The following ARID1B variants were observed in gnomAD, a reference collection of about 807,000 sequenced individuals.
The protein encoded by ARID1B is AT-rich interactive domain-containing protein 1B.
A neutral mutation model predicts 212.3 loss-of-function variants in ARID1B; 30 were observed. That is an observed-to-expected ratio of 0.14 (90% CI 0.11 to 0.19). The LOEUF (loss-of-function observed/expected upper bound fraction) is 0.19. Ranked by LOEUF, ARID1B falls within the 10% of genes least tolerant of loss-of-function variation. ARID1B has a pLI of 1.00. For synonymous variants in ARID1B, 1,402 were observed against 1,301.7 expected (o/e 1.08, Z -1.66); for missense variants, 2,891 against 3,204.0 (o/e 0.90, Z 2.36).
chr6:156,976,938 GA>G, intron 4 of ARID1B: 1 of 551,412 alleles, frequency 1.8e-6, no homozygotes, highest in Admixed American at 1.9e-5. Flanking sequence ...CAAAGATCTA[GA>G]AAAATGGCAG....
At chr6:157,196,973 G>A (rs1180279466) in intron 16 of ARID1B, among the ~76,000 whole-genome samples, 4 of 152,218 alleles carry the variant, frequency 2.6e-5, no homozygotes, top group African/African-American at 9.7e-5. Flanking sequence ...ATGATGCAGA[G>A]TGATTTGTAA....
At chr6:157,181,752 T>C (rs1792554036) in intron 12 of ARID1B, among the ~76,000 whole-genome samples, 1 of 152,152 alleles carries the variant, frequency 6.6e-6, no homozygotes, top group Admixed American at 6.5e-5. Flanking sequence ...TGCTTGACTC[T>C]CAGAGTGAGT....
At chr6:156,894,957 C>G (rs985579193) in intron 2 of ARID1B, among the ~76,000 whole-genome samples, 1 of 152,148 alleles carries the variant, frequency 6.6e-6, no homozygotes, top group Non-Finnish European at 1.5e-5. Context: ...TAGTACTGGA[C>G]AGGCATGTGG....
chr6:156,843,307 T>G (rs2128090743), intron 2 of ARID1B, among the ~76,000 whole-genome samples: 1 of 152,330 alleles, frequency 6.6e-6, no homozygotes, highest in East Asian at 1.9e-4. Context: ...AATACAATTT[T>G]TAAATTAAAA....
intron 9 of ARID1B, chr6:157,167,831 TC>T (rs1791440517): frequency 6.6e-6 from 1 of 152,292 alleles, no homozygotes; most frequent in Non-Finnish European, 1.5e-5. Flanking sequence ...TGTGCATATC[TC>T]CCATGATCTT....
In ARID1B at chr6:156,955,466, C is replaced by T. The variant is rs987615022; in HGVS notation, c.2247+19890C>T. Among the ~76,000 whole-genome samples, 1 of 152,158 alleles carries T rather than the reference C, an allele frequency of 6.6e-6. No homozygotes were observed. The highest frequency in any genetic ancestry group is 1.5e-5 in the Non-Finnish European group (1 of 68,040). ...CTTTCTGTATATGTTATAGTGCTGTCTTCCAGAATGACTTATTGTGGATTA... is the reference window on the plus strand; with the variant it reads ...CTTTCTGTATATGTTATAGTGCTGTTTTCCAGAATGACTTATTGTGGATTA... On this transcript the variant is annotated intron_variant, in intron 4 of 19. Coordinates refer to ENST00000636930, the MANE Select transcript of ARID1B (RefSeq NM_001374828.1). This position sits in a 1 kb window ranked among gnomAD's most constrained non-coding sequence, Gnocchi z 4.2.
At chr6:157,198,783 T>G in intron 16 of ARID1B, 28 bp from the exon 17 acceptor site, 1 of 1,568,238 alleles carries the variant, frequency 6.4e-7, no homozygotes, top group South Asian at 1.1e-5. Flanking sequence ...TTTTCTCAGT[T>G]AAGTTTTCTT....
chr6:157,131,084 A>T (rs535467868), intron 6 of ARID1B, among the ~76,000 whole-genome samples: 34 of 152,178 alleles, frequency 2.2e-4, no homozygotes, highest in Admixed American at 2.0e-3. Flanking sequence ...ATGCATAAAG[A>T]TGTGTTTTCT....
At chr6:156,934,586 T>C (rs1363763633) in intron 3 of ARID1B, among the ~76,000 whole-genome samples, 1 of 152,186 alleles carries the variant, frequency 6.6e-6, no homozygotes, top group Admixed American at 6.5e-5. Context: ...GCGTGTTTAT[T>C]GGTTTTATAG....
Position 157,206,506 on chromosome 6 carries a change from A to G in ARID1B, c.5734A>G (p.Ile1912Val), listed in dbSNP as rs1794464561. The G allele has an allele frequency of 6.2e-7, 1 of 1,614,192 alleles. No homozygotes were observed. Among genetic ancestry groups the G allele is most frequent in the Non-Finnish European group, 8.5e-7 (1 of 1,180,050 alleles). The part of the protein sequence containing the change: ...KQASKFDKLP[I>V]KIVKKNNLFV... ...AGCCAGTAAGTTCGACAAGCTGCCA[A>G]TAAAGATAGTCAAAAAGAACAACCT... The change falls in exon 20 of 20, where the codon ATA (isoleucine) becomes GTA (valine). Residue 1912 changes from isoleucine to valine, a missense_variant. Ile to Val is a conservative substitution (Grantham distance 29). This residue lies in a region of ARID1B where 332 missense variants were observed against 369.2 expected (regional missense o/e 0.90). Transcript: ENST00000636930. The surrounding 1 kb of genome is among the most constrained non-coding windows in gnomAD (Gnocchi z 6.8).
chr6:156,913,217 CTTTTTT>C (rs372967890), intron 3 of ARID1B, among the ~76,000 whole-genome samples: 2 of 129,036 alleles, frequency 1.5e-5, no homozygotes, highest in African/African-American at 5.9e-5. Context: ...TTTTCTTTTT[CTTTTTT>C]TTTTTTTTTT....
chr6:156,972,679 C>G (rs1777007205), intron 4 of ARID1B, among the ~76,000 whole-genome samples: 1 of 152,066 alleles, frequency 6.6e-6, no homozygotes, highest in South Asian at 2.1e-4. Flanking sequence ...CCTCATTCTC[C>G]CCTTGGTAAT....
At position 156,908,597 on chromosome 6, in the gene ARID1B, A is replaced by C. The variant is rs574389598; in HGVS notation, c.2136+7072A>C. On this transcript the variant is annotated intron_variant, in intron 3 of 19. Transcript: ENST00000636930. ...CCCGCCCCCACTCAAGTGAATGCTTACTTTATTTGAACATTTTTTGTTTGA... is the reference window on the plus strand; with the variant it reads ...CCCGCCCCCACTCAAGTGAATGCTTCCTTTATTTGAACATTTTTTGTTTGA... Among the ~76,000 whole-genome samples the C allele has an allele frequency of 4.2e-4, 64 of 150,828 alleles. No homozygotes were observed. The South Asian group carries it at 8.9e-3, about 21-fold the overall frequency.
At chr6:156,836,418 G>A (rs1334691266) in intron 2 of ARID1B, among the ~76,000 whole-genome samples, 1 of 152,112 alleles carries the variant, frequency 6.6e-6, no homozygotes, top group East Asian at 1.9e-4. Flanking sequence ...TGGTAGTGAT[G>A]CTGGTTCTTG....
chr6:156,813,904 C>T (rs894596464), intron 1 of ARID1B, among the ~76,000 whole-genome samples: 6 of 152,102 alleles, frequency 3.9e-5, no homozygotes, highest in African/African-American at 1.4e-4. Context: ...AGGGGCCTGC[C>T]CTCCAGACCC....
intron 4 of ARID1B, among the ~76,000 whole-genome samples, chr6:157,011,630 A>G (rs1021671301): frequency 6.6e-6 from 1 of 152,222 alleles, no homozygotes; most frequent in Admixed American, 6.5e-5. Flanking sequence ...AATAGACATA[A>G]TGGTCCATAG....
intron 6 of ARID1B, among the ~76,000 whole-genome samples, chr6:157,112,358 C>G (rs986726369): frequency 4.0e-5 from 6 of 150,704 alleles, no homozygotes; most frequent in African/African-American, 1.5e-4. Flanking sequence ...GTGATTCTTA[C>G]TAAAATCCTT....
intron 5 of ARID1B, among the ~76,000 whole-genome samples, chr6:157,105,498 G>GGA (rs1786397899): frequency 1.3e-5 from 2 of 152,232 alleles, no homozygotes; most frequent in East Asian, 3.9e-4. Flanking sequence ...CAGAAAAATA[G>GGA]GAGAAAGACT....
chr6:156,952,935 CTT>C (rs1372062088), intron 4 of ARID1B, among the ~76,000 whole-genome samples: 1 of 152,174 alleles, frequency 6.6e-6, no homozygotes, highest in African/African-American at 2.4e-5. Flanking sequence ...TTCAAGAAGA[CTT>C]TAGCTCCAAC....
Sources: allele counts gnomAD v4.1 joint callset (sites outside exome capture counted in the v4.1 genomes callset), GRCh38; gene constraint gnomAD v4.1.1; regional missense constraint gnomAD v4.1.1; non-coding constraint Gnocchi (gnomAD v3.1); transcripts MANE v1.5; gene names NCBI Gene and HGNC (gene_info 2026-07-23, HGNC 2026-07-21).